SYNRG: variants seen among roughly 807,000 people sequenced by gnomAD.
SYNRG encodes AP1 gamma subunit binding protein 1.
In SYNRG, 37 loss-of-function variants were observed where a neutral mutation model predicts 130.9. The ratio of observed to expected loss-of-function variants is 0.28; its 90% CI spans 0.22 to 0.37. The LOEUF (loss-of-function observed/expected upper bound fraction) is 0.37. SYNRG is among the 10% of genes least tolerant of loss of function. The pLI, the probability that SYNRG is intolerant of heterozygous loss-of-function variation, is 1.00. For missense variants in SYNRG, 1,338 were observed against 1,588.9 expected (o/e 0.84, Z 2.68); for synonymous variants, 539 against 568.1 (o/e 0.95, Z 0.73).
rs564423612 is a variant in SYNRG at position 37,577,595 on chromosome 17, T to A, written c.608A>T (p.Lys203Met). ...ACTTATATCACAAGATACTAGGAAC[T>A]TCTCCTCCAAGGAAGGGCCTAAACA... is the stretch of plus-strand genomic sequence containing the variant. ...PKKPGPSLEE[K>M]FLVSCDISTS... Residue 203 changes from lysine (K) to methionine (M), a missense_variant, in exon 7 of 22, where the codon AAG becomes ATG. Around this residue, in one of 3 missense-constraint regions of SYNRG, gnomAD observed 1,146 missense variants for 1,342.3 expected, o/e 0.85. Coordinates refer to ENST00000612223, the MANE Select transcript of SYNRG (RefSeq NM_007247.6). 6.2e-7 allele frequency: 1 copy of A among 1,614,108 alleles called. No individual in the cohort carries two copies. Among genetic ancestry groups the A allele is most frequent in the East Asian group, 2.2e-5 (1 of 44,890 alleles).
At chr17:37,552,261 G>A (rs995746344) in intron 14 of SYNRG, among the ~76,000 whole-genome samples, 2 of 152,026 alleles carry the variant, frequency 1.3e-5, no homozygotes, top group South Asian at 2.1e-4. Context: ...CCACAAAATA[G>A]GTTTATCTTT....
intron 13 of SYNRG, 77 bp from the exon 14 acceptor site, chr17:37,554,136 A>G (rs1298979547): frequency 2.9e-6 from 4 of 1,362,878 alleles, no homozygotes; most frequent in Non-Finnish European, 4.0e-6. Flanking sequence ...TTAAACTGCA[A>G]GCATAATTTT....
In SYNRG at chr17:37,565,912, TG is replaced by T. The variant is rs1400805666; in HGVS notation, c.1481+2878del. ...GCAGCCACCCCGTCCGGGAGGGAGG[TG>T]GGGGGGTCAGCCCCCTGCCCGGCCA... On this transcript the variant is annotated intron_variant, in intron 11 of 21. Transcript: ENST00000612223. Among the ~76,000 whole-genome samples, 166 of 131,264 alleles carry T rather than the reference TG, an allele frequency of 1.3e-3. 1 individual carries two copies. Among genetic ancestry groups the T allele is most frequent in the African/African-American group, 4.8e-3 (156 of 32,258 alleles). The allele number at this position is 131,264 out of a possible 152,430, so 86.1% of individuals were successfully genotyped here. A position where few individuals can be genotyped will look rare whatever the true frequency, so the allele number is the denominator to read the frequency against.
Position 37,577,458 on chromosome 17 carries a change from C to T in SYNRG, c.745G>A (p.Val249Ile), listed in dbSNP as rs749255170. The T allele has an allele frequency of 8.7e-6, 14 of 1,614,064 alleles. No homozygotes were observed. The highest frequency in any genetic ancestry group is 1.1e-5 in the Non-Finnish European group (13 of 1,180,050). Reference protein sequence around the residue: ...PSLMASNGVAVDGCVSGTTTA... With the variant: ...PSLMASNGVAIDGCVSGTTTA... ...GTGGTACCACTTACACATCCATCTA[C>T]AGCAACCCCGTTACTGGCCATTAAA... Residue 249 changes from valine (V) to isoleucine (I), a missense_variant, in exon 7 of 22, where the codon GTA becomes ATA. Val to Ile is a conservative substitution (Grantham distance 29, BLOSUM62 3). Around this residue, in one of 3 missense-constraint regions of SYNRG, gnomAD observed 1,146 missense variants for 1,342.3 expected, o/e 0.85. Transcript: ENST00000612223.
chr17:37,519,889 T>C (rs538937954), intron 21 of SYNRG, among the ~76,000 whole-genome samples: 1 of 152,356 alleles, frequency 6.6e-6, no homozygotes, highest in South Asian at 2.1e-4. Flanking sequence ...TGTGTGTCAC[T>C]ACAACTTCCA....
At position 37,553,748 on chromosome 17, in the gene SYNRG, C is replaced by T. The variant is rs755312936; in HGVS notation, c.1975G>A (p.Ala659Thr). The part of the protein sequence containing the change: ...TGSAATMTAL[A>T]ATKTSSLADD... ...GCCAAACTAGAAGTTTTTGTTGCTG[C>T]CAATGCTGTCATAGTAGCAGCAGAA... Residue 659 changes from alanine to threonine, a missense_variant, in exon 14 of 22, where the codon GCA becomes ACA. Coordinates refer to ENST00000612223, the MANE Select transcript of SYNRG (RefSeq NM_007247.6). The T allele has an allele frequency of 6.2e-7, 1 of 1,613,018 alleles. No individual in the cohort carries two copies. The highest frequency in any genetic ancestry group is 1.7e-5 in the Admixed American group (1 of 59,574).
At chr17:37,605,928 T>C in intron 1 of SYNRG, 3 of 985,352 alleles carry the variant, frequency 3.0e-6, no homozygotes, top group South Asian at 4.7e-5. Flanking sequence ...TCCTAATGGA[T>C]CTCCCCACCT....
At position 37,553,816 on chromosome 17, in the gene SYNRG, A is replaced by G. The variant is rs150268786; in HGVS notation, c.1907T>C (p.Val636Ala). The change falls in exon 14 of 22, where the codon GTG becomes GCG. Residue 636 changes from valine (V) to alanine (A), a missense_variant. Coordinates refer to ENST00000612223, the MANE Select transcript of SYNRG (RefSeq NM_007247.6). ...SSEKPLSFSAVFSTSKSVSTP... is the reference protein window; with the variant it reads ...SSEKPLSFSAAFSTSKSVSTP... Reference sequence around the variant, plus strand: ...AGAAACTGATTTTGATGTGCTAAACACAGCTGAAAAAGACAATGGTTTCTC... The same window carrying G: ...AGAAACTGATTTTGATGTGCTAAACGCAGCTGAAAAAGACAATGGTTTCTC... 1.4e-4 allele frequency: 230 copies of G among 1,613,550 alleles called. No individual in the cohort carries two copies. In the African/African-American group the frequency reaches 2.7e-3, roughly 19 times the overall value.
intron 3 of SYNRG, among the ~76,000 whole-genome samples, chr17:37,592,077 A>C (rs1398023740): frequency 1.3e-5 from 2 of 152,236 alleles, no homozygotes; most frequent in East Asian, 3.8e-4. Context: ...TACCTAAAAG[A>C]TATAAAGAAC....
At chr17:37,606,017 T>C in intron 1 of SYNRG, 3 of 985,036 alleles carry the variant, frequency 3.0e-6, no homozygotes, top group Non-Finnish European at 3.6e-6. Context: ...TACGCAATAA[T>C]TAAATGGTCC....
At chr17:37,534,652 C>A (rs1322580704) in intron 19 of SYNRG, among the ~76,000 whole-genome samples, 2 of 150,490 alleles carry the variant, frequency 1.3e-5, no homozygotes, top group African/African-American at 4.9e-5. Flanking sequence ...TTTTAATTAT[C>A]TACATACAAT....
At chr17:37,571,096 A>G (rs992867899) in intron 9 of SYNRG, among the ~76,000 whole-genome samples, 1 of 152,212 alleles carries the variant, frequency 6.6e-6, no homozygotes, top group Non-Finnish European at 1.5e-5. Context: ...CAGTTCTGAC[A>G]TTTTCACTTT....
intron 16 of SYNRG, among the ~76,000 whole-genome samples, chr17:37,539,813 C>T (rs2057567405): frequency 6.6e-6 from 1 of 152,232 alleles, no homozygotes; most frequent in Non-Finnish European, 1.5e-5. Flanking sequence ...CCATCAGTAA[C>T]AGTGTAAGCC....
intron 3 of SYNRG, among the ~76,000 whole-genome samples, chr17:37,592,832 C>T (rs1012925517): frequency 6.6e-6 from 1 of 152,254 alleles, no homozygotes; most frequent in South Asian, 2.1e-4. Flanking sequence ...TGGAAATGTT[C>T]TGTATCTCAG....
intron 19 of SYNRG, among the ~76,000 whole-genome samples, chr17:37,522,000 G>A (rs1053096755): frequency 2.0e-4 from 30 of 152,064 alleles, no homozygotes; most frequent in African/African-American, 7.0e-4. Flanking sequence ...GCAGGTGGTT[G>A]GATACACATA....
intron 17 of SYNRG, 41 bp downstream of exon 17, chr17:37,539,151 G>C: frequency 1.9e-6 from 3 of 1,607,822 alleles, no homozygotes; most frequent in Non-Finnish European, 2.5e-6. Context: ...AGGCACAAAA[G>C]AGCACTCACA....
At chr17:37,548,046 G>T (rs2058420277) in intron 14 of SYNRG, among the ~76,000 whole-genome samples, 1 of 152,178 alleles carries the variant, frequency 6.6e-6, no homozygotes, top group Non-Finnish European at 1.5e-5. Context: ...CTCAATTTGT[G>T]AATGTATGCT....
chr17:37,605,104 T>C (rs548846995), intron 1 of SYNRG, among the ~76,000 whole-genome samples: 88 of 152,152 alleles, frequency 5.8e-4, no homozygotes, highest in African/African-American at 2.0e-3. Flanking sequence ...TGTGGAAAAA[T>C]TGCGCGGATA....
chr17:37,558,715 C>G (rs759112717), intron 13 of SYNRG, among the ~76,000 whole-genome samples: 2 of 152,160 alleles, frequency 1.3e-5, no homozygotes, highest in Non-Finnish European at 2.9e-5. Context: ...AGTAACTGAT[C>G]ACTCATTCTT....
Sources: allele counts gnomAD v4.1 joint callset (sites outside exome capture counted in the v4.1 genomes callset), GRCh38; gene constraint gnomAD v4.1.1; regional missense constraint gnomAD v4.1.1; transcripts MANE v1.5; gene names NCBI Gene and HGNC (gene_info 2026-07-23, HGNC 2026-07-21).